The following HAUS2 variants were observed in gnomAD, a reference collection of about 807,000 sequenced individuals.
The protein encoded by HAUS2 is HAUS augmin like complex subunit 2.
In HAUS2, 20 loss-of-function variants were observed where a neutral mutation model predicts 21.6. That is an observed-to-expected ratio of 0.93 (90% confidence interval 0.65 to 1.35). The LOEUF (loss-of-function observed/expected upper bound fraction) is 1.35, where lower values mean the gene tolerates loss of function less well. HAUS2 is among the 40% of genes most tolerant of loss of function. The probability of loss-of-function intolerance (pLI) is 0.00; values close to 1 mark genes in which losing one functional copy is unlikely to be tolerated. For missense variants in HAUS2, 297 were observed against 280.7 expected (o/e 1.06, Z -0.42); for synonymous variants, 113 against 95.6 (o/e 1.18, Z -1.06).
At chr15:42,563,938 C>A in intron 5 of HAUS2, 81 bp downstream of exon 5, 1 of 736,798 alleles carries the variant, frequency 1.4e-6, no homozygotes, top group Admixed American at 2.4e-5. Context: ...TTTTTAATAG[C>A]TAATATTACG....
In HAUS2 at chr15:42,558,846, T is replaced by C. The variant is rs1029980846; in HGVS notation, c.187-493T>C. Among the ~76,000 whole-genome samples, 5 of 152,044 alleles carry C rather than the reference T, an allele frequency of 3.3e-5. No homozygotes were observed. In the South Asian group the frequency reaches 6.2e-4, roughly 19 times the overall value. ...GGTGGCACACACCTGTAGTCCCAGC[T>C]ACTTGGGAGGCTGAGCTGGGAGGAT... On this transcript the variant is annotated intron_variant, in intron 2 of 5. Coordinates refer to ENST00000260372, the MANE Select transcript of HAUS2 (RefSeq NM_018097.3).
intron 5 of HAUS2, 134 bp downstream of exon 5, chr15:42,563,991 C>T (rs1458202031): frequency 1.8e-5 from 11 of 600,242 alleles, no homozygotes; most frequent in Non-Finnish European, 3.3e-5. Context: ...CTTGGCCTGG[C>T]ATGGTAGTTC....
At position 42,568,314 on chromosome 15, in the gene HAUS2, G is replaced by A. The variant is rs1322614953; in HGVS notation, c.*1498G>A. On this transcript the variant is annotated 3_prime_UTR_variant, in exon 6 of 6. Transcript: ENST00000260372. ...CAGGTGTGGAGGCTAGGCAGTCCAA[G>A]AACATGGTGCCAGCATCTAGTGAGG... 1 of 152,240 alleles carries A rather than the reference G, an allele frequency of 6.6e-6. No individual in the cohort carries two copies. Among genetic ancestry groups the A allele is most frequent in the African/African-American group, 2.4e-5 (1 of 41,458 alleles). The allele number at this position is 152,240 out of a possible 1,614,324, so 9.4% of individuals were successfully genotyped here.
chr15:42,555,345 G>A (rs961182430), intron 1 of HAUS2, among the ~76,000 whole-genome samples: 1 of 151,968 alleles, frequency 6.6e-6, no homozygotes, highest in Non-Finnish European at 1.5e-5. Flanking sequence ...GTGCAGGCTG[G>A]TCTCAAACTC....
At chr15:42,555,689 G>A (rs1284375211) in intron 1 of HAUS2, among the ~76,000 whole-genome samples, 2 of 152,108 alleles carry the variant, frequency 1.3e-5, no homozygotes, top group East Asian at 3.8e-4. Flanking sequence ...CCTCATGAGG[G>A]TAGAGAGCTT....
chr15:42,563,240 C>A (rs1400747996), intron 4 of HAUS2, among the ~76,000 whole-genome samples: 3 of 151,292 alleles, frequency 2.0e-5, no homozygotes, highest in Admixed American at 2.0e-4. Flanking sequence ...CATAATGAAC[C>A]CCTTCTGCTA....
Position 42,558,254 on chromosome 15 carries a change from A to G in HAUS2, c.150A>G (p.Leu50=), listed in dbSNP as rs368377254. ...CTTGTTTTGTGAACTTCACCAGACTACAGCAGATCACAAATATTCAAGCTG... is the reference window on the plus strand; with the variant it reads ...CTTGTTTTGTGAACTTCACCAGACTGCAGCAGATCACAAATATTCAAGCTG... ...TVSCFVNFTR[L]QQITNIQAEI... is the part of the protein sequence containing the mutation. The change falls in exon 2 of 6, where the codon CTA becomes CTG. Residue 50 remains leucine (L), a synonymous_variant. Coordinates refer to ENST00000260372, the MANE Select transcript of HAUS2 (RefSeq NM_018097.3). 71 of 1,480,948 alleles carry G rather than the reference A, an allele frequency of 4.8e-5. No individual in the cohort carries two copies. Among genetic ancestry groups the G allele is most frequent in the Admixed American group, 3.9e-4 (23 of 58,328 alleles). 91.7% of individuals were successfully genotyped at this position (1,480,948 alleles called of 1,614,324 possible).
At chr15:42,558,509 A>G (rs2057812614) in intron 2 of HAUS2, among the ~76,000 whole-genome samples, 1 of 151,322 alleles carries the variant, frequency 6.6e-6, no homozygotes, top group Non-Finnish European at 1.5e-5. Flanking sequence ...TTGTACTTTT[A>G]GTAGAGATGG....
intron 1 of HAUS2, 144 bp from the exon 2 acceptor site, chr15:42,558,054 G>T (rs1449355772): frequency 3.6e-6 from 2 of 549,950 alleles, no homozygotes; most frequent in Non-Finnish European, 6.5e-6. Flanking sequence ...ATTACACATT[G>T]CTACTATTTT....
Position 42,569,744 on chromosome 15 carries a change from T to C in HAUS2, c.*2928T>C, listed in dbSNP as rs1378941259. 6.6e-6 allele frequency: 1 copy of C among 152,216 alleles called. No homozygotes were observed. Among genetic ancestry groups the C allele is most frequent in the African/African-American group, 2.4e-5 (1 of 41,450 alleles). 9.4% of individuals were successfully genotyped at this position (152,216 alleles called of 1,614,324 possible). A position where few individuals can be genotyped will look rare whatever the true frequency, so the allele number is the denominator to read the frequency against. ...AGCCTAGTTTGCTAATTTTTGCTAG[T>C]AGGATAAGAGTGATCGTAATATCTC... On this transcript the variant is annotated 3_prime_UTR_variant, in exon 6 of 6. Coordinates refer to ENST00000260372, the MANE Select transcript of HAUS2 (RefSeq NM_018097.3).
At chr15:42,565,763 A>G (rs2057899350) in intron 5 of HAUS2, among the ~76,000 whole-genome samples, 1 of 152,230 alleles carries the variant, frequency 6.6e-6, no homozygotes, top group Non-Finnish European at 1.5e-5. Context: ...GATTTAAAGC[A>G]TAGGAATACA....
At chr15:42,558,580 G>T (rs1356036769) in intron 2 of HAUS2, among the ~76,000 whole-genome samples, 1 of 151,872 alleles carries the variant, frequency 6.6e-6, no homozygotes. Context: ...GCCCGCCTCG[G>T]CCTCCCAAAG....
At chr15:42,555,805 T>C (rs2057766858) in intron 1 of HAUS2, among the ~76,000 whole-genome samples, 1 of 152,186 alleles carries the variant, frequency 6.6e-6, no homozygotes, top group Non-Finnish European at 1.5e-5. Flanking sequence ...AGAGTAAATA[T>C]GTAAGGCTTT....
intron 3 of HAUS2, 128 bp from the exon 4 acceptor site, chr15:42,561,142 A>G (rs1406617444): frequency 3.3e-6 from 2 of 607,430 alleles, no homozygotes; most frequent in African/African-American, 3.7e-5. Context: ...AAAGACAGCA[A>G]AAAGGAGACA....
chr15:42,562,167 G>A (rs947851934), intron 4 of HAUS2, among the ~76,000 whole-genome samples: 2 of 152,090 alleles, frequency 1.3e-5, no homozygotes, highest in Non-Finnish European at 2.9e-5. Flanking sequence ...AAATAAATAC[G>A]AAGCAAGCAT....
rs1397851407 is a variant in HAUS2, at chr15:42,556,302, T to G, written c.94-1896T>G. Among the ~76,000 whole-genome samples the G allele has an allele frequency of 2.2e-5, 3 of 135,758 alleles. No individual in the cohort carries two copies. The Admixed American group carries it at 2.3e-4, about 11-fold the overall frequency. The allele number at this position is 135,758 out of a possible 152,430, so 89.1% of individuals were successfully genotyped here. A position where few individuals can be genotyped will look rare whatever the true frequency, so the allele number is the denominator to read the frequency against. The stretch of plus-strand genomic sequence containing the variant: ...TTTTTTTTGAGACAGGGTCTCACTC[T>G]GTCGCCCAGACTAGAGTGCAGTGGC... On this transcript the variant is annotated intron_variant, in intron 1 of 5. Coordinates refer to ENST00000260372, the MANE Select transcript of HAUS2 (RefSeq NM_018097.3).
At chr15:42,549,586 A>G (rs1459828541) in intron 1 of HAUS2, among the ~76,000 whole-genome samples, 1 of 151,328 alleles carries the variant, frequency 6.6e-6, no homozygotes, top group East Asian at 1.9e-4. Flanking sequence ...AGCTGGGACT[A>G]CAGGCGCCCA....
chr15:42,561,278 T>G lies in HAUS2; in HGVS notation c.265T>G (p.Cys89Gly). The G allele has an allele frequency of 6.5e-7, 1 of 1,538,300 alleles. No individual in the cohort carries two copies. Among genetic ancestry groups the G allele is most frequent in the Non-Finnish European group, 9.0e-7 (1 of 1,111,392 alleles). ...TTTTTTAATTTGTATAGCTCAGAAG[T>G]GTCATACTCTGCAAAGCATGAATAA... ...VVHPFFLAQK[C>G]HTLQSMNNHL... Residue 89 changes from cysteine to glycine, a missense_variant, in exon 4 of 6, where the codon TGT becomes GGT. Physicochemically the swap from Cys to Gly is radical, Grantham distance 159. Coordinates refer to ENST00000260372, the MANE Select transcript of HAUS2 (RefSeq NM_018097.3).
rs140147578 is a variant in HAUS2, at chr15:42,558,219, A to C, written c.115A>C (p.Lys39Gln). 46 of 1,488,616 alleles carry C rather than the reference A, an allele frequency of 3.1e-5. 1 individual carries two copies. The African/African-American group carries it at 5.4e-4, about 17-fold the overall frequency. The allele number at this position is 1,488,616 out of a possible 1,614,324, so 92.2% of individuals were successfully genotyped here. A position where few individuals can be genotyped will look rare whatever the true frequency, so the allele number is the denominator to read the frequency against. ...ATAGGAGATGTTAAACATGTCTAAG[A>C]AAACAGTTTCTTGTTTTGTGAACTT... Reference protein sequence around the residue: ...VNQEMLNMSKKTVSCFVNFTR... With the variant: ...VNQEMLNMSKQTVSCFVNFTR... The change falls in exon 2 of 6, where the codon AAA becomes CAA. Residue 39 changes from lysine to glutamine, a missense_variant. By Grantham distance (53) the Lys-to-Gln change is moderately conservative (BLOSUM62 1). Transcript: ENST00000260372.
Sources: gnomAD v4.1 joint callset for allele counts (sites outside exome capture counted in the v4.1 genomes callset) on GRCh38, gnomAD v4.1.1 for gene constraint, MANE v1.5 for transcripts, NCBI Gene and HGNC (gene_info 2026-07-23, HGNC 2026-07-21) for gene names.